The following GAA variants were observed in gnomAD, a reference collection of about 807,000 sequenced individuals.
The protein encoded by GAA is lysosomal alpha-glucosidase.
Under a neutral mutation model 103.9 loss-of-function variants are expected in GAA, and 88 were observed. The observed-to-expected ratio is 0.85, with a 90% confidence interval of 0.71 to 1.01. The LOEUF is 1.01. GAA is among the 50% of genes least tolerant of loss of function. GAA has a pLI of 0.00. For missense variants in GAA, 1,350 were observed against 1,305.3 expected (o/e 1.03, Z -0.53); for synonymous variants, 572 against 563.1 (o/e 1.02, Z -0.22).
chr17:80,105,125 A>G lies in GAA; in HGVS notation c.539A>G (p.His180Arg), dbSNP rs773474041. The G allele has an allele frequency of 4.4e-6, 7 of 1,604,916 alleles. No individual in the cohort carries two copies. The highest frequency in any genetic ancestry group is 1.7e-5 in the Admixed American group (1 of 59,924). Residue 180 changes from histidine (H) to arginine (R), a missense_variant, in exon 2 of 20, where the codon CAC becomes CGC. By Grantham distance (29) the His-to-Arg change is conservative. Transcript: ENST00000302262. ...ATGATGGAGACTGAGAACCGCCTCC[A>G]CTTCACGGTGGGCAGGGCAGGGGCG... Reference protein sequence around the residue: ...DVMMETENRLHFTIKDPANRR... With the variant: ...DVMMETENRLRFTIKDPANRR...
chr17:80,112,861 ACT>A lies in GAA; in HGVS notation c.1889-12_1889-11del, dbSNP rs777483558. 1.2e-6 allele frequency: 2 copies of A among 1,603,556 alleles called. No homozygotes were observed. The highest frequency in any genetic ancestry group is 1.7e-5 in the Admixed American group (1 of 58,922). On this transcript the variant is annotated splice_polypyrimidine_tract_variant and intron_variant, in intron 13 of 19. Transcript: ENST00000302262. ...CTGCAGCAGCCTGAGGACCAGCCTG[ACT>A]CTGCCCTCCCAGAAATCCTGCAGTT...
Position 80,105,857 on chromosome 17 carries a change from G to A in GAA, c.655G>A (p.Gly219Arg), listed in dbSNP as rs370950728. Residue 219 changes from glycine (G) to arginine (R), a missense_variant, in exon 3 of 20, where the codon GGG becomes AGG. Coordinates refer to ENST00000302262, the MANE Select transcript of GAA (RefSeq NM_000152.5). ...CGTGGAGTTCTCCGAGGAGCCCTTC[G>A]GGGTGATCGTGCGCCGGCAGCTGGA... ...YSVEFSEEPF[G>R]VIVRRQLDGR... 23 of 1,605,726 alleles carry A rather than the reference G, an allele frequency of 1.4e-5. No individual in the cohort carries two copies. Among genetic ancestry groups the A allele is most frequent in the African/African-American group, 4.0e-5 (3 of 74,892 alleles).
At position 80,116,955 on chromosome 17, in the gene GAA, A is replaced by G. The variant is rs745654213; in HGVS notation, c.2190-13A>G. 1 of 1,613,552 alleles carries G rather than the reference A, an allele frequency of 6.2e-7. No homozygotes were observed. The highest frequency in any genetic ancestry group is 8.5e-7 in the Non-Finnish European group (1 of 1,179,972). On this transcript the variant is annotated splice_polypyrimidine_tract_variant and intron_variant, in intron 15 of 19. Transcript: ENST00000302262. ...TCATCACCCGTATGCCTGTGTGCCC[A>G]TCCCCCTTGCAGGTTCCCCAAGGAC...
At chr17:80,107,333 G>A (rs933319607) in intron 3 of GAA, among the ~76,000 whole-genome samples, 13 of 152,170 alleles carry the variant, frequency 8.5e-5, no homozygotes, top group South Asian at 2.1e-4. Context: ...CCAGCCAGGC[G>A]GTGCGCCTCT....
At chr17:80,112,788 C>G in intron 13 of GAA, 77 bp downstream of exon 13, 1 of 1,575,800 alleles carries the variant, frequency 6.3e-7, no homozygotes, top group South Asian at 1.2e-5. Flanking sequence ...GGGCCCCCCA[C>G]CCACTTAGCA....
chr17:80,114,281 C>CT (rs758553423), intron 15 of GAA, among the ~76,000 whole-genome samples: 16 of 152,172 alleles, frequency 1.1e-4, no homozygotes, highest in Non-Finnish European at 1.9e-4. Flanking sequence ...AAGACCAAGA[C>CT]TAAGAACCAA....
rs148504268 is a variant in GAA, at chr17:80,103,362, G to A, written c.-32-1193G>A. On this transcript the variant is annotated intron_variant, in intron 1 of 19. Transcript: ENST00000302262. ...TCCCTCCCCCATGGCCTTGCTCCTA[G>A]GACACCTTCTTCCTCCTTTCCCTGG... Among the ~76,000 whole-genome samples the A allele has an allele frequency of 2.4e-3, 360 of 152,184 alleles. 8 individuals are homozygous for A. The highest frequency in any genetic ancestry group is 2.5e-3 in the Non-Finnish European group (167 of 67,974).
rs746827767 is a variant in GAA, at chr17:80,107,682, G to T, written c.818G>T (p.Trp273Leu). The T allele has an allele frequency of 6.2e-7, 1 of 1,612,948 alleles. No homozygotes were observed. Among genetic ancestry groups the T allele is most frequent in the Non-Finnish European group, 8.5e-7 (1 of 1,179,868 alleles). Residue 273 changes from tryptophan (W) to leucine (L), a missense_variant, in exon 4 of 20, where the codon TGG becomes TTG. Physicochemically the swap from Trp to Leu is moderately conservative, Grantham distance 61. Transcript: ENST00000302262. ...AGTCCCCTGATGCTCAGCACCAGCT[G>T]GACCAGGATCACCCTGTGGAACCGG... The part of the protein sequence containing the change: ...HLSPLMLSTS[W>L]TRITLWNRDL...
chr17:80,117,630 C>T lies in GAA; in HGVS notation c.2362C>T (p.Pro788Ser), dbSNP rs2039384789. The change falls in exon 17 of 20, where the codon CCC becomes TCC. Residue 788 changes from proline to serine, a missense_variant. Coordinates refer to ENST00000302262, the MANE Select transcript of GAA (RefSeq NM_000152.5). ...AGTAGAGGCCCTTGGCAGCCTCCCA[C>T]CCCCACCTGCAGCTCCCCGTGAGCC... ...VPVEALGSLP[P>S]PPAAPREPAI... 1 of 1,612,052 alleles carries T rather than the reference C, an allele frequency of 6.2e-7. No homozygotes were observed. Among genetic ancestry groups the T allele is most frequent in the Non-Finnish European group, 8.5e-7 (1 of 1,179,308 alleles).
At chr17:80,117,561 G>C in intron 16 of GAA, 39 bp from the exon 17 acceptor site, 2 of 1,612,156 alleles carry the variant, frequency 1.2e-6, no homozygotes, top group Non-Finnish European at 1.7e-6. Flanking sequence ...TGGGGGCCTC[G>C]GCACGGCCCA....
At chr17:80,111,111 T>G in intron 11 of GAA, 86 bp downstream of exon 11, 1 of 1,256,644 alleles carries the variant, frequency 8.0e-7, no homozygotes, top group Non-Finnish European at 1.1e-6. Flanking sequence ...CCCTCATCTC[T>G]GAGAAGCAGA....
chr17:80,107,456 C>T (rs1047100216), intron 3 of GAA, 101 bp from the exon 4 acceptor site: 73 of 1,510,342 alleles, frequency 4.8e-5, no homozygotes, highest in Admixed American at 1.5e-4. Flanking sequence ...CAGGCCACTC[C>T]GCCCTCCCAG....
At position 80,104,541 on chromosome 17, in the gene GAA, T is replaced by G. The variant is rs1183340113; in HGVS notation, c.-32-14T>G. 6.4e-7 allele frequency: 1 copy of G among 1,565,950 alleles called. No homozygotes were observed. Among genetic ancestry groups the G allele is most frequent in the Non-Finnish European group, 8.7e-7 (1 of 1,153,240 alleles). On this transcript the variant is annotated splice_polypyrimidine_tract_variant and intron_variant, in intron 1 of 19. Coordinates refer to ENST00000302262, the MANE Select transcript of GAA (RefSeq NM_000152.5). This position sits in a 1 kb window ranked among gnomAD's most constrained non-coding sequence, Gnocchi z 4.0. ...CTCCCGCCTCCCTGCTGAGCCCGCT[T>G]TCTTCTCCCGCAGGCCTGTAGGAGC... is the stretch of plus-strand genomic sequence containing the variant.
At position 80,105,797 on chromosome 17, in the gene GAA, C is replaced by T; in HGVS notation, c.595C>T (p.His199Tyr). 1.2e-6 allele frequency: 2 copies of T among 1,612,104 alleles called. No homozygotes were observed. Among genetic ancestry groups the T allele is most frequent in the Non-Finnish European group, 8.5e-7 (1 of 1,179,994 alleles). Residue 199 changes from histidine to tyrosine, a missense_variant, in exon 3 of 20, where the codon CAT becomes TAT. Transcript: ENST00000302262. ...RRYEVPLETP[H>Y]VHSRAPSPLY... ...CTACGAGGTGCCCTTGGAGACCCCG[C>T]ATGTCCACAGCCGGGCACCGTCCCC...
chr17:80,107,625 C>T lies in GAA; in HGVS notation c.761C>T (p.Ser254Leu), dbSNP rs577915581. The T allele has an allele frequency of 7.7e-5, 124 of 1,613,212 alleles. No individual in the cohort carries two copies. The East Asian group carries it at 2.6e-3, about 34-fold the overall frequency. ...QFLQLSTSLP[S>L]QYITGLAEHL... The stretch of plus-strand genomic sequence containing the variant: ...CTTCAGCTGTCCACCTCGCTGCCCT[C>T]GCAGTATATCACAGGCCTCGCCGAG... Residue 254 changes from serine to leucine, a missense_variant, in exon 4 of 20, where the codon TCG becomes TTG. Physicochemically the swap from Ser to Leu is moderately radical, Grantham distance 145. Coordinates refer to ENST00000302262, the MANE Select transcript of GAA (RefSeq NM_000152.5).
Position 80,104,752 on chromosome 17 carries a change from C to A in GAA, c.166C>A (p.His56Asn), listed in dbSNP as rs781650771. Reference sequence around the variant, plus strand: ...AGTCCTGGAGGAGACTCACCCAGCTCACCAGCAGGGAGCCAGCAGACCAGG... The same window carrying A: ...AGTCCTGGAGGAGACTCACCCAGCTAACCAGCAGGGAGCCAGCAGACCAGG... ...SPVLEETHPA[H>N]QQGASRPGPR... The change falls in exon 2 of 20, where the codon CAC becomes AAC. Residue 56 changes from histidine to asparagine, a missense_variant. Coordinates refer to ENST00000302262, the MANE Select transcript of GAA (RefSeq NM_000152.5). The surrounding 1 kb of genome is among the most constrained non-coding windows in gnomAD (Gnocchi z 4.0). 4 of 1,611,030 alleles carry A rather than the reference C, an allele frequency of 2.5e-6. No individual in the cohort carries two copies. Among genetic ancestry groups the A allele is most frequent in the Non-Finnish European group, 3.4e-6 (4 of 1,179,284 alleles).
rs2039157937 is a variant in GAA, at chr17:80,108,729, C to T, written c.1227C>T (p.Asp409=). The change falls in exon 8 of 20, where the codon GAC becomes GAT. Residue 409 remains aspartate (D), a synonymous_variant. Transcript: ENST00000302262. ...DVQWNDLDYM[D]SRRDFTFNKD... ...AGTGGAACGACCTGGACTACATGGA[C>T]TCCCGGAGGGACTTCACGTTCAACA... 7 of 1,612,550 alleles carry T rather than the reference C, an allele frequency of 4.3e-6. No individual in the cohort carries two copies. The highest frequency in any genetic ancestry group is 2.2e-5 in the South Asian group (2 of 91,012).
chr17:80,104,815 G>C lies in GAA; in HGVS notation c.229G>C (p.Ala77Pro), dbSNP rs781365881. The C allele has an allele frequency of 6.2e-7, 1 of 1,612,442 alleles. No individual in the cohort carries two copies. Among genetic ancestry groups the C allele is most frequent in the South Asian group, 1.1e-5 (1 of 91,006 alleles). ...DAQAHPGRPRAVPTQCDVPPN... is the reference protein window; with the variant it reads ...DAQAHPGRPRPVPTQCDVPPN... ...CCAGGCACACCCCGGCCGTCCCAGA[G>C]CAGTGCCCACACAGTGCGACGTCCC... The change falls in exon 2 of 20, where the codon GCA becomes CCA. Residue 77 changes from alanine (A) to proline (P), a missense_variant. Physicochemically the swap from Ala to Pro is conservative, Grantham distance 27. Coordinates refer to ENST00000302262, the MANE Select transcript of GAA (RefSeq NM_000152.5). This position sits in a 1 kb window ranked among gnomAD's most constrained non-coding sequence, Gnocchi z 4.0.
At chr17:80,107,079 T>C (rs1050527182) in intron 3 of GAA, among the ~76,000 whole-genome samples, 15 of 152,112 alleles carry the variant, frequency 9.9e-5, no homozygotes, top group Non-Finnish European at 1.9e-4. Flanking sequence ...TATCTGCGGC[T>C]TTCATTTCTC....
Sources: allele counts gnomAD v4.1 joint callset (sites outside exome capture counted in the v4.1 genomes callset), GRCh38; gene constraint gnomAD v4.1.1; non-coding constraint Gnocchi (gnomAD v3.1); transcripts MANE v1.5; gene names NCBI Gene and HGNC (gene_info 2026-07-23, HGNC 2026-07-21).